TLL1: variants seen among roughly 807,000 people sequenced by gnomAD.
The protein encoded by TLL1 is tolloid-like protein 1.
TLL1 carries 49 observed loss-of-function variants against 128.2 expected under a neutral mutation model. The observed-to-expected ratio is 0.38, with a 90% CI of 0.30 to 0.48. TLL1 has a LOEUF of 0.48. Ranked by LOEUF, TLL1 falls within the 20% of genes least tolerant of loss-of-function variation. The probability of loss-of-function intolerance (pLI) is 0.96; values close to 1 mark genes in which losing one functional copy is unlikely to be tolerated. For missense variants in TLL1, 1,123 were observed against 1,242.0 expected (o/e 0.90, Z 1.44); for synonymous variants, 454 against 418.8 (o/e 1.08, Z -1.03).
In TLL1 at chr4:166,101,050, C is replaced by T; in HGVS notation, c.*174C>T. On this transcript the variant is annotated 3_prime_UTR_variant, in exon 21 of 21. Transcript: ENST00000061240. Reference sequence around the variant, plus strand: ...GAGAAGTTTCCAGCAAAACCCTCATCAGCATTACAAGGATATTTGAACTCC... The same window carrying T: ...GAGAAGTTTCCAGCAAAACCCTCATTAGCATTACAAGGATATTTGAACTCC... 1 of 744,892 alleles carries T rather than the reference C, an allele frequency of 1.3e-6. No individual in the cohort carries two copies. The highest frequency in any genetic ancestry group is 2.1e-6 in the Non-Finnish European group (1 of 468,662). 46.1% of individuals were successfully genotyped at this position (744,892 alleles called of 1,614,324 possible).
At chr4:166,024,922 AAT>A (rs1488788666) in intron 8 of TLL1, among the ~76,000 whole-genome samples, 3 of 152,184 alleles carry the variant, frequency 2.0e-5, no homozygotes, top group Non-Finnish European at 4.4e-5. Context: ...GCTTAGCCTC[AAT>A]TTAAATCAAA....
chr4:165,920,532 T>C (rs1732998163), intron 1 of TLL1, among the ~76,000 whole-genome samples: 1 of 152,190 alleles, frequency 6.6e-6, no homozygotes, highest in African/African-American at 2.4e-5. Flanking sequence ...GTAGAAATAA[T>C]GTTTATTTGT....
intron 1 of TLL1, among the ~76,000 whole-genome samples, chr4:165,897,409 G>T (rs1731730822): frequency 6.6e-6 from 1 of 152,144 alleles, no homozygotes; most frequent in African/African-American, 2.4e-5. Flanking sequence ...TGTATAAGGT[G>T]TAAGGAAGTG....
At chr4:165,895,633 T>TAAAAAAAAAAAAAAA (rs57920393) in intron 1 of TLL1, among the ~76,000 whole-genome samples, 7 of 68,448 alleles carry the variant, frequency 1.0e-4, no homozygotes, top group African/African-American at 7.1e-4. Context: ...AGACTTTTTG[T>TAAAAAAAAAAAAAAA]AAAAAAAAAA....
intron 12 of TLL1, chr4:166,053,086 C>T (rs1739835142): frequency 6.6e-6 from 1 of 150,590 alleles, no homozygotes; most frequent in African/African-American, 2.4e-5. Flanking sequence ...CATTTATTCC[C>T]ATAATTGTAC....
chr4:166,046,116 A>T (rs543688397), intron 12 of TLL1, among the ~76,000 whole-genome samples: 1 of 152,192 alleles, frequency 6.6e-6, no homozygotes, highest in South Asian at 2.1e-4. Flanking sequence ...TGATCATTTT[A>T]TCTCCAGCAA....
chr4:165,913,711 G>T (rs888427661), intron 1 of TLL1, among the ~76,000 whole-genome samples: 7 of 152,044 alleles, frequency 4.6e-5, no homozygotes, highest in Non-Finnish European at 8.8e-5. Flanking sequence ...GGAAGTTTAG[G>T]TACTACAAGA....
intron 1 of TLL1, among the ~76,000 whole-genome samples, chr4:165,901,460 A>G (rs1731984176): frequency 6.6e-6 from 1 of 152,044 alleles, no homozygotes; most frequent in Non-Finnish European, 1.5e-5. Flanking sequence ...GCTCATGCTA[A>G]TCCTTTCTGT....
At chr4:166,061,535 G>A (rs945086627) in intron 15 of TLL1, among the ~76,000 whole-genome samples, 5 of 152,104 alleles carry the variant, frequency 3.3e-5, no homozygotes, top group African/African-American at 1.2e-4. Context: ...ATGAGCTACC[G>A]TGCCTGGCCT....
At chr4:165,935,718 T>C (rs901236285) in intron 1 of TLL1, among the ~76,000 whole-genome samples, 1 of 152,224 alleles carries the variant, frequency 6.6e-6, no homozygotes, top group African/African-American at 2.4e-5. Flanking sequence ...ACACTATAGT[T>C]TAGTCTGGCC....
At chr4:166,003,328 C>A in intron 5 of TLL1, 63 bp from the exon 6 acceptor site, 1 of 1,564,484 alleles carries the variant, frequency 6.4e-7, no homozygotes, top group Non-Finnish European at 8.8e-7. Context: ...AAAAAATTCA[C>A]CATATTGTCA....
At position 165,896,223 on chromosome 4, in the gene TLL1, G is replaced by A. The variant is rs1006966083; in HGVS notation, c.169+22150G>A. Among the ~76,000 whole-genome samples, 3 of 152,036 alleles carry A rather than the reference G, an allele frequency of 2.0e-5. No homozygotes were observed. In the South Asian group the frequency reaches 6.2e-4, roughly 32 times the overall value. On this transcript the variant is annotated intron_variant, in intron 1 of 20. Coordinates refer to ENST00000061240, the MANE Select transcript of TLL1 (RefSeq NM_012464.5). Reference sequence around the variant, plus strand: ...CTGTGTTAGTTTCCTGAGAATGATGGTTTCCAGCTTCATCCATGTCCCTGC... The same window carrying A: ...CTGTGTTAGTTTCCTGAGAATGATGATTTCCAGCTTCATCCATGTCCCTGC...
chr4:165,918,384 T>C (rs1732879868), intron 1 of TLL1, among the ~76,000 whole-genome samples: 1 of 152,136 alleles, frequency 6.6e-6, no homozygotes, highest in African/African-American at 2.4e-5. Context: ...TTCAGATTTG[T>C]GGTTTTTAAC....
intron 1 of TLL1, among the ~76,000 whole-genome samples, chr4:165,979,270 G>A (rs1432466081): frequency 1.3e-5 from 2 of 152,042 alleles, no homozygotes; most frequent in African/African-American, 4.8e-5. Flanking sequence ...TTGATGCTAT[G>A]TAAATTTATA....
chr4:166,005,232 G>C (rs1470248712), intron 6 of TLL1, among the ~76,000 whole-genome samples: 1 of 151,900 alleles, frequency 6.6e-6, no homozygotes, highest in Non-Finnish European at 1.5e-5. Context: ...ATTCAATTTA[G>C]CATATCCTTG....
At chr4:165,927,485 G>A (rs770791280) in intron 1 of TLL1, among the ~76,000 whole-genome samples, 2 of 152,162 alleles carry the variant, frequency 1.3e-5, no homozygotes, top group African/African-American at 4.8e-5. Flanking sequence ...TTAATAAAAC[G>A]GATTAATAAA....
intron 1 of TLL1, among the ~76,000 whole-genome samples, chr4:165,898,625 G>C (rs1021191825): frequency 3.3e-5 from 5 of 152,120 alleles, no homozygotes; most frequent in East Asian, 3.8e-4. Context: ...TGATGAATTT[G>C]GTTTGCCAGT....
intron 15 of TLL1, among the ~76,000 whole-genome samples, chr4:166,063,048 C>T (rs77405693): frequency 0.34 from 50,958 of 152,006 alleles, 8,642 homozygotes; most frequent in East Asian, 0.42. Flanking sequence ...TCAGAGTGAA[C>T]AGGTAACCTA....
rs1218753771 is a variant in TLL1, at chr4:166,053,709, C to A, written c.1525-1367C>A. On this transcript the variant is annotated intron_variant, in intron 12 of 20. Transcript: ENST00000061240. ...TTCAAGTTGCAGTTCCATGGACATTCCCCGATATTCCTTGACATTCTACGT... is the reference window on the plus strand; with the variant it reads ...TTCAAGTTGCAGTTCCATGGACATTACCCGATATTCCTTGACATTCTACGT... 3.3e-5 allele frequency among the ~76,000 whole-genome samples: 5 copies of A among 152,270 alleles called. No individual in the cohort carries two copies. In the East Asian group the frequency reaches 9.6e-4, roughly 29 times the overall value.
Sources: gnomAD v4.1 joint callset for allele counts (sites outside exome capture counted in the v4.1 genomes callset) on GRCh38, gnomAD v4.1.1 for gene constraint, MANE v1.5 for transcripts, NCBI Gene and HGNC (gene_info 2026-07-23, HGNC 2026-07-21) for gene names.